STMN2: variants seen among roughly 807,000 people sequenced by gnomAD.
STMN2 encodes the protein stathmin 2.
STMN2 carries 2 observed loss-of-function variants against 24.1 expected under a neutral mutation model. The observed-to-expected ratio is 0.08, with a 90% CI of 0.03 to 0.26. STMN2 has a LOEUF of 0.26. STMN2 is among the 10% of genes least tolerant of loss of function. STMN2 has a pLI of 1.00. For synonymous variants in STMN2, 83 were observed against 77.5 expected (o/e 1.07, Z -0.37); for missense variants, 114 against 213.6 (o/e 0.53, Z 2.91).
intron 3 of STMN2, among the ~76,000 whole-genome samples, chr8:79,647,828 A>G (rs759713361): frequency 5.3e-5 from 8 of 152,222 alleles, no homozygotes; most frequent in Non-Finnish European, 1.2e-4. Flanking sequence ...TCTTGAAATC[A>G]AAGTTTCCAT....
chr8:79,646,980 G>T (rs1037366411), intron 3 of STMN2, among the ~76,000 whole-genome samples: 1 of 152,044 alleles, frequency 6.6e-6, no homozygotes, highest in Admixed American at 6.6e-5. Flanking sequence ...AGAGTAGCGA[G>T]GTGGGATTAG....
intron 4 of STMN2, among the ~76,000 whole-genome samples, chr8:79,655,285 T>C (rs577275821): frequency 6.6e-6 from 1 of 152,278 alleles, no homozygotes; most frequent in Non-Finnish European, 1.5e-5. Flanking sequence ...TGTCAAATTT[T>C]CCCATGGTGA....
intron 1 of STMN2, among the ~76,000 whole-genome samples, chr8:79,634,865 C>T (rs183352943): frequency 2.0e-5 from 3 of 152,262 alleles, no homozygotes; most frequent in Non-Finnish European, 1.5e-5. Flanking sequence ...TCCCAAGATA[C>T]CCACTCTCCC....
intron 1 of STMN2, among the ~76,000 whole-genome samples, chr8:79,616,206 A>G (rs1908541): frequency 0.35 from 53,260 of 152,036 alleles, 9,419 homozygotes; most frequent in South Asian, 0.41. Flanking sequence ...ATTTAAAGAT[A>G]CCTTTTTAAA....
intron 1 of STMN2, among the ~76,000 whole-genome samples, chr8:79,628,656 G>C (rs1809722569): frequency 1.3e-5 from 2 of 152,128 alleles, no homozygotes; most frequent in African/African-American, 4.8e-5. Context: ...CTGATGATTA[G>C]TGATCTTGTG....
intron 1 of STMN2, among the ~76,000 whole-genome samples, chr8:79,630,427 G>A (rs895325334): frequency 1.6e-4 from 25 of 152,256 alleles, no homozygotes; most frequent in Admixed American, 1.1e-3. Context: ...AGAAGTCAAC[G>A]TTTATTTTCT....
chr8:79,613,446 A>C lies in STMN2; in HGVS notation c.19+2232A>C, dbSNP rs556666735. On this transcript the variant is annotated intron_variant, in intron 1 of 4. Transcript: ENST00000220876. Reference sequence around the variant, plus strand: ...AGACCGGTTTCTGCGCAGTGTCCTGAGCTACCCCCGCTTTCCACAATTCGC... The same window carrying C: ...AGACCGGTTTCTGCGCAGTGTCCTGCGCTACCCCCGCTTTCCACAATTCGC... The C allele has an allele frequency of 4.1e-6, 4 of 985,368 alleles. No individual in the cohort carries two copies. In the Admixed American group the frequency reaches 2.5e-4, roughly 61 times the overall value. 61.0% of individuals were successfully genotyped at this position (985,368 alleles called of 1,614,324 possible). A position where few individuals can be genotyped will look rare whatever the true frequency, so the allele number is the denominator to read the frequency against.
intron 1 of STMN2, among the ~76,000 whole-genome samples, chr8:79,623,045 T>A (rs1429085358): frequency 6.6e-6 from 1 of 152,196 alleles, no homozygotes; most frequent in Admixed American, 6.6e-5. Context: ...GCTAGGTCTT[T>A]TCTTTCAGGG....
At chr8:79,625,633 AG>A (rs1809633556) in intron 1 of STMN2, among the ~76,000 whole-genome samples, 1 of 152,216 alleles carries the variant, frequency 6.6e-6, no homozygotes, top group Admixed American at 6.5e-5. Context: ...GCTATAGCAA[AG>A]CCCCTTAAAA....
intron 2 of STMN2, among the ~76,000 whole-genome samples, chr8:79,638,192 C>T (rs902217529): frequency 6.6e-6 from 1 of 152,174 alleles, no homozygotes; most frequent in African/African-American, 2.4e-5. Context: ...AGGGCGTAGT[C>T]CTCACCTTCA....
At chr8:79,657,585 T>C (rs1446705957) in intron 4 of STMN2, among the ~76,000 whole-genome samples, 1 of 152,218 alleles carries the variant, frequency 6.6e-6, no homozygotes, top group East Asian at 1.9e-4. Flanking sequence ...CAGCAGTCTA[T>C]CCCACGTCAC....
At chr8:79,633,909 T>C (rs1197470307) in intron 1 of STMN2, among the ~76,000 whole-genome samples, 2 of 152,216 alleles carry the variant, frequency 1.3e-5, no homozygotes, top group Non-Finnish European at 2.9e-5. Context: ...GGCAGTGGCC[T>C]TACTGAAAAT....
intron 1 of STMN2, among the ~76,000 whole-genome samples, chr8:79,630,075 C>A (rs1285800265): frequency 1.3e-5 from 2 of 152,164 alleles, no homozygotes; most frequent in African/African-American, 2.4e-5. Flanking sequence ...GCTGCTTAAT[C>A]TGACTCTGTG....
intron 3 of STMN2, among the ~76,000 whole-genome samples, chr8:79,653,923 C>T (rs757340684): frequency 3.3e-5 from 5 of 152,156 alleles, no homozygotes; most frequent in African/African-American, 4.8e-5. Flanking sequence ...AAAGAAGTTA[C>T]GTAACACATC....
At chr8:79,631,920 C>T (rs1467337847) in intron 1 of STMN2, among the ~76,000 whole-genome samples, 1 of 152,048 alleles carries the variant, frequency 6.6e-6, no homozygotes, top group African/African-American at 2.4e-5. Flanking sequence ...AAATGAACTT[C>T]AAGGTAGCTG....
chr8:79,650,266 C>T (rs1262162339), intron 3 of STMN2, among the ~76,000 whole-genome samples: 4 of 152,104 alleles, frequency 2.6e-5, no homozygotes, highest in Admixed American at 6.5e-5. Flanking sequence ...CAACTTTTAG[C>T]GATTTTCTCA....
intron 3 of STMN2, among the ~76,000 whole-genome samples, chr8:79,648,723 G>A (rs1213305060): frequency 1.3e-5 from 2 of 151,872 alleles, no homozygotes; most frequent in East Asian, 1.9e-4. Context: ...TCAGCCTTCC[G>A]AAGTGCTGGC....
intron 1 of STMN2, chr8:79,631,336 T>C (rs1427193644): frequency 4.8e-6 from 3 of 622,830 alleles, no homozygotes; most frequent in Non-Finnish European, 6.0e-6. Context: ...TTTCATTTGA[T>C]ATCCATTCCC....
chr8:79,613,502 G>A (rs918297583), intron 1 of STMN2: 9 of 985,520 alleles, frequency 9.1e-6, no homozygotes, highest in Non-Finnish European at 4.8e-6. Context: ...AAGGTTCTGA[G>A]AATGGGTGGT....
Sources: gnomAD v4.1 joint callset for allele counts (sites outside exome capture counted in the v4.1 genomes callset) on GRCh38, gnomAD v4.1.1 for gene constraint, MANE v1.5 for transcripts, NCBI Gene and HGNC (gene_info 2026-07-23, HGNC 2026-07-21) for gene names.